Variants in LRP1B observed in about 807,000 individuals in gnomAD.
LRP1B encodes the protein LDL receptor related protein 1B, also known as low-density lipoprotein receptor-related protein 1B.
LRP1B carries 217 observed loss-of-function variants against 556.6 expected under a neutral mutation model. That is an observed-to-expected ratio of 0.39 (90% CI 0.35 to 0.44). The LOEUF is 0.44. Ranked by LOEUF, LRP1B falls within the 20% of genes least tolerant of loss-of-function variation. LRP1B has a pLI of 1.00. For missense variants in LRP1B, 5,053 were observed against 5,620.8 expected (o/e 0.90, Z 3.23); for synonymous variants, 2,047 against 1,865.8 (o/e 1.10, Z -2.50).
intron 2 of LRP1B, among the ~76,000 whole-genome samples, chr2:141,679,568 T>C (rs1343722134): frequency 6.6e-6 from 1 of 152,190 alleles, no homozygotes. Context: ...AAGGTGAAGA[T>C]GCTGTACCCT....
chr2:141,182,961 C>A lies in LRP1B; in HGVS notation c.1013+5460G>T, dbSNP rs189113374. ...AATCACAGATGAGGACCCTACCTTCCAAGATGGGTATATTTATGGGGAGAA... is the reference window on the plus strand; with the variant it reads ...AATCACAGATGAGGACCCTACCTTCAAAGATGGGTATATTTATGGGGAGAA... On this transcript the variant is annotated intron_variant, in intron 7 of 90. Transcript: ENST00000389484. Among the ~76,000 whole-genome samples the A allele has an allele frequency of 2.6e-3, 392 of 151,776 alleles. 3 individuals carry two copies. Among genetic ancestry groups the A allele is most frequent in the African/African-American group, 9.1e-3 (378 of 41,394 alleles).
chr2:140,693,943 A>C (rs1205548397), intron 41 of LRP1B, among the ~76,000 whole-genome samples: 1 of 152,154 alleles, frequency 6.6e-6, no homozygotes, highest in Admixed American at 6.6e-5. Flanking sequence ...CCTGGCCTCA[A>C]GTGATCCACC....
intron 67 of LRP1B, among the ~76,000 whole-genome samples, chr2:140,382,877 A>G (rs772964933): frequency 7.9e-5 from 12 of 152,212 alleles, no homozygotes; most frequent in Non-Finnish European, 1.6e-4. Context: ...GCCATAAATT[A>G]TAATATTTTT....
At chr2:141,348,460 T>C (rs561044895) in intron 3 of LRP1B, among the ~76,000 whole-genome samples, 11 of 152,040 alleles carry the variant, frequency 7.2e-5, no homozygotes, top group Non-Finnish European at 1.6e-4. Context: ...TAGGTATTAA[T>C]CAACATTTAT....
At chr2:140,415,591 G>A (rs547888770) in intron 66 of LRP1B, among the ~76,000 whole-genome samples, 1 of 152,174 alleles carries the variant, frequency 6.6e-6, no homozygotes, top group East Asian at 1.9e-4. Flanking sequence ...CTGAAATATT[G>A]GGGGTGGGTT....
chr2:141,549,099 T>A (rs1192295006), intron 2 of LRP1B, among the ~76,000 whole-genome samples: 1 of 152,160 alleles, frequency 6.6e-6, no homozygotes, highest in Non-Finnish European at 1.5e-5. Context: ...AAATTAGCTG[T>A]TTCATTGAGA....
chr2:140,638,105 A>G (rs1684134690), intron 41 of LRP1B, among the ~76,000 whole-genome samples: 1 of 152,244 alleles, frequency 6.6e-6, no homozygotes, highest in Admixed American at 6.5e-5. Flanking sequence ...AGTAGTGGAT[A>G]TTCTTGAATT....
chr2:141,329,650 A>AAAAAAAAAACAAAAC (rs1687564642), intron 3 of LRP1B, among the ~76,000 whole-genome samples: 4 of 40,488 alleles, frequency 9.9e-5, no homozygotes, highest in African/African-American at 4.4e-4. Flanking sequence ...TCTCAAAAAA[A>AAAAAAAAAACAAAAC]AAAAAAAAAA....
At chr2:141,885,120 T>C (rs1190589138) in intron 1 of LRP1B, among the ~76,000 whole-genome samples, 1 of 152,236 alleles carries the variant, frequency 6.6e-6, no homozygotes, top group Non-Finnish European at 1.5e-5. Flanking sequence ...GCTTATGAAA[T>C]ATAATTTTAT....
intron 7 of LRP1B, among the ~76,000 whole-genome samples, chr2:141,094,587 GTAAT>G (rs1700249274): frequency 6.6e-6 from 1 of 152,102 alleles, no homozygotes; most frequent in Admixed American, 6.6e-5. Flanking sequence ...AACAAAATAA[GTAAT>G]TAAAACCATT....
chr2:141,757,095 A>G (rs1694349045), intron 2 of LRP1B, among the ~76,000 whole-genome samples: 1 of 152,144 alleles, frequency 6.6e-6, no homozygotes, highest in Non-Finnish European at 1.5e-5. Context: ...CCTTGATTTT[A>G]TAAATACAAA....
rs901849415 is a variant in LRP1B at position 141,748,425 on chromosome 2, T to G, written c.205+61854A>C. On this transcript the variant is annotated intron_variant, in intron 2 of 90. Transcript: ENST00000389484. Reference sequence around the variant, plus strand: ...AGCACAAGTTTCCCAATTTAATTGTTTCTCTATTATAGGACACGGATGGAA... The same window carrying G: ...AGCACAAGTTTCCCAATTTAATTGTGTCTCTATTATAGGACACGGATGGAA... Among the ~76,000 whole-genome samples, 2 of 152,192 alleles carry G rather than the reference T, an allele frequency of 1.3e-5. 1 individual carries two copies. Among genetic ancestry groups the G allele is most frequent in the South Asian group, 4.1e-4 (2 of 4,832 alleles).
At chr2:140,763,425 T>A (rs1055704981) in intron 35 of LRP1B, among the ~76,000 whole-genome samples, 6 of 152,132 alleles carry the variant, frequency 3.9e-5, no homozygotes, top group Non-Finnish European at 8.8e-5. Flanking sequence ...GCAGATTTGA[T>A]GTGCTTCATG....
chr2:140,575,942 C>CAA (rs34028780), intron 43 of LRP1B, among the ~76,000 whole-genome samples: 28 of 149,526 alleles, frequency 1.9e-4, no homozygotes, highest in South Asian at 8.4e-4. Flanking sequence ...AAACAAAAAA[C>CAA]AAAAAAAAAG....
chr2:140,467,612 C>CAA (rs36060070), intron 60 of LRP1B, among the ~76,000 whole-genome samples: 77 of 85,824 alleles, frequency 9.0e-4, no homozygotes, highest in South Asian at 1.4e-3. Flanking sequence ...AACTCCATCT[C>CAA]AAAAAAAAAA....
intron 23 of LRP1B, among the ~76,000 whole-genome samples, chr2:140,892,457 G>C (rs1693825395): frequency 6.6e-6 from 1 of 152,128 alleles, no homozygotes; most frequent in African/African-American, 2.4e-5. Context: ...AAACTCATGA[G>C]AAATAAAACA....
chr2:141,059,187 T>A, intron 8 of LRP1B, 133 bp from the exon 9 acceptor site: 1 of 560,722 alleles, frequency 1.8e-6, no homozygotes, highest in Non-Finnish European at 3.0e-6. Flanking sequence ...TTACTTTTTC[T>A]CAAGGAGTTC....
At chr2:140,749,031 C>T (rs1262025324) in intron 35 of LRP1B, among the ~76,000 whole-genome samples, 2 of 151,424 alleles carry the variant, frequency 1.3e-5, no homozygotes, top group Non-Finnish European at 2.9e-5. Context: ...CAAACCTGTA[C>T]AGCATGTTAT....
chr2:141,015,590 C>T, intron 13 of LRP1B, 106 bp downstream of exon 13: 1 of 927,590 alleles, frequency 1.1e-6, no homozygotes, highest in East Asian at 2.6e-5. Context: ...TTGGCAGCCA[C>T]CTCAGAGGAG....
Sources: gnomAD v4.1 joint callset for allele counts (sites outside exome capture counted in the v4.1 genomes callset) on GRCh38, gnomAD v4.1.1 for gene constraint, MANE v1.5 for transcripts, NCBI Gene and HGNC (gene_info 2026-07-23, HGNC 2026-07-21) for gene names.